The following OCA2 variants were observed in gnomAD, a reference collection of about 807,000 sequenced individuals.
OCA2 encodes the protein P protein.
A neutral mutation model predicts 100.2 loss-of-function variants in OCA2; 77 were observed. The ratio of observed to expected loss-of-function variants is 0.77; its 90% CI spans 0.64 to 0.93. The LOEUF is 0.93. OCA2 is among the 40% of genes least tolerant of loss of function. The probability of loss-of-function intolerance (pLI) is 0.00; values close to 1 mark genes in which losing one functional copy is unlikely to be tolerated. For missense variants in OCA2, 1,062 were observed against 1,089.1 expected, an observed-to-expected ratio of 0.98 and a Z score of 0.35; for synonymous variants, 432 against 439.2, an observed-to-expected ratio of 0.98 and a Z score of 0.21.
chr15:28,013,645 G>C (rs867492992), intron 9 of OCA2, among the ~76,000 whole-genome samples: 1 of 152,106 alleles, frequency 6.6e-6, no homozygotes, highest in Non-Finnish European at 1.5e-5. Context: ...AGGGAGGGGC[G>C]TGCTCTGTGT....
intron 23 of OCA2, among the ~76,000 whole-genome samples, chr15:27,760,534 T>A (rs531588472): frequency 6.6e-6 from 1 of 151,772 alleles, no homozygotes; most frequent in African/African-American, 2.4e-5. Flanking sequence ...GCTGATTTTT[T>A]AAAAAAGATC....
In OCA2 at chr15:27,875,497, T is replaced by C. The variant is rs78476798; in HGVS notation, c.2080-3575A>G. On this transcript the variant is annotated intron_variant, in intron 19 of 23. Transcript: ENST00000354638. ...GCTTTAGTTATTTGAATTTAGTCCT[T>C]TGAATGTCTACATAAATTGTGTAAT... is the stretch of plus-strand genomic sequence containing the variant. Among the ~76,000 whole-genome samples, 1,446 of 152,204 alleles carry C rather than the reference T, an allele frequency of 9.5e-3. 24 individuals are homozygous for C. The highest frequency in any genetic ancestry group is 0.033 in the African/African-American group (1,375 of 41,548).
chr15:27,870,810 A>AAGAAAGAAAGAGAGAG (rs372518302), intron 21 of OCA2, among the ~76,000 whole-genome samples: 1 of 88,138 alleles, frequency 1.1e-5, no homozygotes, highest in African/African-American at 2.9e-5. Context: ...GAAAGAAAGA[A>AAGAAAGAAAGAGAGAG]AGAGAGAGAG....
At chr15:27,746,849 C>A in the OCA2 span, among the ~76,000 whole-genome samples, 1 of 152,152 alleles carries the variant, frequency 6.6e-6, no homozygotes, top group African/African-American at 2.4e-5. Flanking sequence ...GCACTAAGAT[C>A]CAGAGTCCCT....
chr15:27,888,582 T>G (rs955811724), intron 19 of OCA2, among the ~76,000 whole-genome samples: 1 of 151,924 alleles, frequency 6.6e-6, no homozygotes, highest in African/African-American at 2.4e-5. Context: ...TGAAAAACTA[T>G]GGGAAGAAAC....
At chr15:27,966,169 C>T (rs992146229) in intron 15 of OCA2, among the ~76,000 whole-genome samples, 15 of 152,272 alleles carry the variant, frequency 9.9e-5, no homozygotes, top group African/African-American at 3.4e-4. Context: ...CGGGGTTTCA[C>T]CATGTTGGCC....
intron 14 of OCA2, among the ~76,000 whole-genome samples, chr15:27,976,222 C>A (rs551684487): frequency 6.0e-4 from 92 of 152,306 alleles, no homozygotes; most frequent in African/African-American, 2.1e-3. Flanking sequence ...ACTTTTAATT[C>A]TTCCTTACCA....
chr15:27,964,828 C>G (rs1207885279), intron 15 of OCA2, among the ~76,000 whole-genome samples: 1 of 152,162 alleles, frequency 6.6e-6, no homozygotes, highest in Non-Finnish European at 1.5e-5. Context: ...AATCACCCCA[C>G]CTTGCACTGC....
At position 27,992,563 on chromosome 15, in the gene OCA2, C is replaced by T. The variant is rs188659658; in HGVS notation, c.1045-1916G>A. Among the ~76,000 whole-genome samples the T allele has an allele frequency of 1.2e-3, 179 of 152,310 alleles. 1 individual carries two copies. The highest frequency in any genetic ancestry group is 4.2e-3 in the African/African-American group (173 of 41,578). ...GGCACCAGAGCCAGGCTGTCCTATCCGCCCTACAGAGAACAAGGCGAAGAC... is the reference window on the plus strand; with the variant it reads ...GGCACCAGAGCCAGGCTGTCCTATCTGCCCTACAGAGAACAAGGCGAAGAC... On this transcript the variant is annotated intron_variant, in intron 9 of 23. Coordinates refer to ENST00000354638, the MANE Select transcript of OCA2 (RefSeq NM_000275.3).
intron 13 of OCA2, 152 bp downstream of exon 13, chr15:27,984,912 C>A: frequency 1.1e-6 from 1 of 895,194 alleles, no homozygotes; most frequent in Non-Finnish European, 1.8e-6. Flanking sequence ...ACAAAGCAGA[C>A]ACGAGCTGGA....
At chr15:27,830,445 A>G (rs1202179186) in intron 23 of OCA2, among the ~76,000 whole-genome samples, 1 of 152,258 alleles carries the variant, frequency 6.6e-6, no homozygotes, top group Non-Finnish European at 1.5e-5. Flanking sequence ...TTAAATACTT[A>G]AAATAATAGG....
At chr15:27,832,200 G>A (rs1308352098) in intron 23 of OCA2, among the ~76,000 whole-genome samples, 1 of 152,070 alleles carries the variant, frequency 6.6e-6, no homozygotes, top group Non-Finnish European at 1.5e-5. Context: ...TCACATCCAC[G>A]TTGTCCACCT....
the OCA2 span, among the ~76,000 whole-genome samples, chr15:27,719,624 TCCATAGC>T: frequency 8.0e-3 from 1,226 of 152,338 alleles, 18 homozygotes; most frequent in African/African-American, 0.028. Flanking sequence ...TATATCTGTT[TCCATAGC>T]CTGATCATTC....
chr15:27,900,722 G>A (rs970225872), intron 19 of OCA2, among the ~76,000 whole-genome samples: 1 of 152,188 alleles, frequency 6.6e-6, no homozygotes, highest in Non-Finnish European at 1.5e-5. Flanking sequence ...TTCTCAGAGG[G>A]AACTAGGTTG....
chr15:28,091,959 A>C (rs2141961827), intron 1 of OCA2, among the ~76,000 whole-genome samples: 1 of 152,356 alleles, frequency 6.6e-6, no homozygotes, highest in South Asian at 2.1e-4. Flanking sequence ...CCATCTCAAA[A>C]AAACAAAAGT....
chr15:27,844,354 G>A (rs549752244), intron 23 of OCA2, among the ~76,000 whole-genome samples: 39 of 152,182 alleles, frequency 2.6e-4, no homozygotes, highest in Non-Finnish European at 5.1e-4. Flanking sequence ...ATCCAGCACC[G>A]TCTTCGTGGA....
intron 19 of OCA2, among the ~76,000 whole-genome samples, chr15:27,887,267 G>A (rs1045466613): frequency 1.3e-5 from 2 of 152,086 alleles, no homozygotes; most frequent in Non-Finnish European, 2.9e-5. Context: ...CAGGAGCCCA[G>A]GAAAATGGGA....
chr15:27,755,312 G>T lies in OCA2; in HGVS notation c.*76C>A. On this transcript the variant is annotated 3_prime_UTR_variant, in exon 24 of 24. Coordinates refer to ENST00000354638, the MANE Select transcript of OCA2 (RefSeq NM_000275.3). ...CACCTTTTCTTCTTCAAACAGTGGG[G>T]TCAGGGTAGTTTTATGACTAATGGG... is the stretch of plus-strand genomic sequence containing the variant. 9.3e-7 allele frequency: 1 copy of T among 1,070,772 alleles called. No individual in the cohort carries two copies. The highest frequency in any genetic ancestry group is 1.5e-6 in the Non-Finnish European group (1 of 688,932). The allele number at this position is 1,070,772 out of a possible 1,614,324, so 66.3% of individuals were successfully genotyped here.
the OCA2 span, among the ~76,000 whole-genome samples, chr15:27,734,593 G>C: frequency 6.6e-6 from 1 of 152,224 alleles, no homozygotes; most frequent in Non-Finnish European, 1.5e-5. Flanking sequence ...GACCTGTCCA[G>C]GTGTGGGGCT....
Sources: gnomAD v4.1 joint callset for allele counts (sites outside exome capture counted in the v4.1 genomes callset) on GRCh38, gnomAD v4.1.1 for gene constraint, MANE v1.5 for transcripts, NCBI Gene and HGNC (gene_info 2026-07-23, HGNC 2026-07-21) for gene names.